The following SPAG16 variants were observed in gnomAD, a reference collection of about 807,000 sequenced individuals.
SPAG16 encodes the protein sperm-associated antigen 16 protein.
A neutral mutation model predicts 80.4 loss-of-function variants in SPAG16; 86 were observed. That is an observed-to-expected ratio of 1.07 (90% confidence interval 0.90 to 1.28). SPAG16 has a LOEUF of 1.28. Among genes scored for constraint, SPAG16 ranks in the 50% most tolerant of loss-of-function variants. The probability of loss-of-function intolerance (pLI) is 0.00; values close to 1 mark genes in which losing one functional copy is unlikely to be tolerated. For synonymous variants in SPAG16, 294 were observed against 265.9 expected (o/e 1.11, Z -1.03); for missense variants, 870 against 765.3 (o/e 1.14, Z -1.61).
intron 12 of SPAG16, among the ~76,000 whole-genome samples, chr2:213,948,974 G>T (rs1241646482): frequency 6.6e-6 from 1 of 151,882 alleles, no homozygotes; most frequent in Non-Finnish European, 1.5e-5. Flanking sequence ...ATTTGATAGG[G>T]TCTCTTGGGC....
At chr2:213,732,330 GC>G (rs369112629) in intron 10 of SPAG16, among the ~76,000 whole-genome samples, 31,775 of 80,562 alleles carry the variant, frequency 0.39, 3,844 homozygotes, top group South Asian at 0.56. Flanking sequence ...ATTCACGATT[GC>G]CCCCCCCGCA....
intron 13 of SPAG16, among the ~76,000 whole-genome samples, chr2:214,043,091 A>G (rs772799587): frequency 5.3e-4 from 81 of 152,076 alleles, no homozygotes; most frequent in Middle Eastern, 3.4e-3. Flanking sequence ...AAGGTCACAT[A>G]TCAGATCCTG....
intron 14 of SPAG16, among the ~76,000 whole-genome samples, chr2:214,115,201 A>G (rs1244020281): frequency 3.3e-5 from 5 of 152,202 alleles, no homozygotes; most frequent in Admixed American, 2.6e-4. Flanking sequence ...CTGCTAAGCA[A>G]TGTCAGGAGG....
chr2:214,092,313 A>G (rs2052270413), intron 13 of SPAG16, among the ~76,000 whole-genome samples: 2 of 152,118 alleles, frequency 1.3e-5, no homozygotes. Flanking sequence ...CATTTCTACC[A>G]TGAGTAAATG....
Position 214,403,625 on chromosome 2 carries a change from T to C in SPAG16, c.1721-6515T>C, listed in dbSNP as rs558551568. Reference sequence around the variant, plus strand: ...ACGTATAACCTACCCCATAGGGTTATTGAAGAATAAAATGAGATAATGCAA... The same window carrying C: ...ACGTATAACCTACCCCATAGGGTTACTGAAGAATAAAATGAGATAATGCAA... On this transcript the variant is annotated intron_variant, in intron 15 of 15. Coordinates refer to ENST00000331683, the MANE Select transcript of SPAG16 (RefSeq NM_024532.5). Among the ~76,000 whole-genome samples the C allele has an allele frequency of 1.4e-4, 21 of 152,268 alleles. No homozygotes were observed. In the South Asian group the frequency reaches 2.5e-3, roughly 18 times the overall value.
intron 12 of SPAG16, among the ~76,000 whole-genome samples, chr2:213,975,377 A>G (rs2045314264): frequency 6.6e-6 from 1 of 151,632 alleles, no homozygotes; most frequent in South Asian, 2.1e-4. Flanking sequence ...ACTAGAAATT[A>G]ATAGCAAAAT....
chr2:214,403,381 A>G (rs1411004125), intron 15 of SPAG16, among the ~76,000 whole-genome samples: 2 of 149,064 alleles, frequency 1.3e-5, no homozygotes, highest in African/African-American at 2.4e-5. Context: ...TATTAATTAT[A>G]TACATATAAA....
intron 15 of SPAG16, among the ~76,000 whole-genome samples, chr2:214,345,837 C>T (rs559624674): frequency 6.6e-6 from 1 of 152,138 alleles, no homozygotes; most frequent in Non-Finnish European, 1.5e-5. Flanking sequence ...TACCCTGGCT[C>T]TTATGTTCAA....
At chr2:214,126,142 G>A (rs567358960) in intron 14 of SPAG16, among the ~76,000 whole-genome samples, 5 of 142,110 alleles carry the variant, frequency 3.5e-5, no homozygotes, top group African/African-American at 5.2e-5. Flanking sequence ...CTCGAATCAC[G>A]TCTTCAAAAT....
At chr2:214,019,934 C>CT (rs2047774925) in intron 13 of SPAG16, among the ~76,000 whole-genome samples, 1 of 152,098 alleles carries the variant, frequency 6.6e-6, no homozygotes, top group African/African-American at 2.4e-5. Context: ...GTAGTAATTG[C>CT]TATATATTCT....
chr2:214,388,637 C>T (rs940855538), intron 15 of SPAG16, among the ~76,000 whole-genome samples: 9 of 152,096 alleles, frequency 5.9e-5, no homozygotes, highest in Non-Finnish European at 8.8e-5. Flanking sequence ...ATTTTTTAGA[C>T]ACCTTTATTT....
intron 13 of SPAG16, among the ~76,000 whole-genome samples, chr2:214,043,125 T>A (rs558810342): frequency 6.6e-6 from 1 of 151,862 alleles, no homozygotes; most frequent in South Asian, 2.1e-4. Flanking sequence ...GTCATGCAGT[T>A]CTGCCCAAGG....
intron 15 of SPAG16, among the ~76,000 whole-genome samples, chr2:214,154,864 C>T (rs182861499): frequency 1.3e-4 from 20 of 151,978 alleles, no homozygotes; most frequent in Admixed American, 8.5e-4. Context: ...TAACCTAAAA[C>T]GATTGAAAGA....
At chr2:214,094,022 C>T (rs892863985) in intron 13 of SPAG16, among the ~76,000 whole-genome samples, 7 of 152,028 alleles carry the variant, frequency 4.6e-5, no homozygotes, top group African/African-American at 1.7e-4. Context: ...CACCTGGGAG[C>T]TTATGAGAAA....
chr2:213,405,804 G>T (rs2068580271), intron 9 of SPAG16, among the ~76,000 whole-genome samples: 1 of 152,094 alleles, frequency 6.6e-6, no homozygotes, highest in South Asian at 2.1e-4. Context: ...CTAATAACAG[G>T]ATTTCATTCT....
chr2:214,407,115 G>T (rs1004149015), intron 15 of SPAG16, among the ~76,000 whole-genome samples: 2 of 151,818 alleles, frequency 1.3e-5, no homozygotes, highest in Middle Eastern at 6.5e-3. Flanking sequence ...ACATTTATCT[G>T]TATTTTAAAA....
At chr2:213,797,066 T>G (rs1037608519) in intron 10 of SPAG16, among the ~76,000 whole-genome samples, 3 of 151,564 alleles carry the variant, frequency 2.0e-5, no homozygotes, top group Non-Finnish European at 4.4e-5. Context: ...AAAAAAACAT[T>G]AAAATAGAAT....
intron 9 of SPAG16, among the ~76,000 whole-genome samples, chr2:213,395,589 A>G (rs1289692648): frequency 6.6e-6 from 1 of 152,036 alleles, no homozygotes; most frequent in East Asian, 1.9e-4. Flanking sequence ...TTGTTGCTAG[A>G]TTGGGAGTCA....
intron 14 of SPAG16, among the ~76,000 whole-genome samples, chr2:214,113,693 T>G (rs572753342): frequency 2.6e-5 from 4 of 152,362 alleles, no homozygotes; most frequent in African/African-American, 9.6e-5. Context: ...AGGTATTCTC[T>G]ACACTGTTTA....
Sources: allele counts gnomAD v4.1 joint callset (sites outside exome capture counted in the v4.1 genomes callset), GRCh38; gene constraint gnomAD v4.1.1; transcripts MANE v1.5; gene names NCBI Gene and HGNC (gene_info 2026-07-23, HGNC 2026-07-21).